ATRNL1: variants seen among roughly 807,000 people sequenced by gnomAD.
ATRNL1 encodes attractin-like protein 1.
A neutral mutation model predicts 182.7 loss-of-function variants in ATRNL1; 95 were observed. The observed-to-expected ratio is 0.52, with a 90% CI of 0.44 to 0.62. The LOEUF (loss-of-function observed/expected upper bound fraction) is 0.62, where lower values mean the gene tolerates loss of function less well. Among genes scored for constraint, ATRNL1 ranks in the 20% least tolerant of loss-of-function variants. The pLI is 0.00. For synonymous variants in ATRNL1, 576 were observed against 568.3 expected, an observed-to-expected ratio of 1.01 and a Z score of -0.19; for missense variants, 1,471 against 1,679.5, an observed-to-expected ratio of 0.88 and a Z score of 2.17.
At chr10:115,772,660 C>A (rs1324480697) in intron 27 of ATRNL1, among the ~76,000 whole-genome samples, 1 of 143,120 alleles carries the variant, frequency 7.0e-6, no homozygotes, top group East Asian at 2.2e-4. Flanking sequence ...TTTCCCTGGA[C>A]AATTTAAGTA....
intron 28 of ATRNL1, among the ~76,000 whole-genome samples, chr10:115,918,631 G>C (rs1011342959): frequency 6.6e-6 from 1 of 152,076 alleles, no homozygotes; most frequent in Non-Finnish European, 1.5e-5. Flanking sequence ...TGGCAAAAGG[G>C]GATAAAACAC....
intron 25 of ATRNL1, among the ~76,000 whole-genome samples, chr10:115,542,057 G>T (rs1009355292): frequency 6.6e-6 from 1 of 152,220 alleles, no homozygotes; most frequent in African/African-American, 2.4e-5. Context: ...ATTGTCCTTT[G>T]TCACTTTTTG....
At chr10:115,738,892 C>G (rs1948059532) in intron 27 of ATRNL1, among the ~76,000 whole-genome samples, 1 of 152,022 alleles carries the variant, frequency 6.6e-6, no homozygotes, top group African/African-American at 2.4e-5. Flanking sequence ...CCTAGGTTAA[C>G]TGTCCTAATA....
At chr10:115,495,349 T>A (rs1347185511) in intron 24 of ATRNL1, among the ~76,000 whole-genome samples, 1 of 152,178 alleles carries the variant, frequency 6.6e-6, no homozygotes, top group Non-Finnish European at 1.5e-5. Flanking sequence ...TTACTTCTTA[T>A]CTTCTGCTAG....
chr10:115,908,002 T>C (rs1248794275), intron 28 of ATRNL1, among the ~76,000 whole-genome samples: 1 of 152,234 alleles, frequency 6.6e-6, no homozygotes, highest in Non-Finnish European at 1.5e-5. Flanking sequence ...CTATTTTTCC[T>C]ATCCATTACC....
At chr10:115,297,749 C>A (rs1554923167) in intron 15 of ATRNL1, among the ~76,000 whole-genome samples, 1 of 151,448 alleles carries the variant, frequency 6.6e-6, no homozygotes, top group Non-Finnish European at 1.5e-5. Context: ...GATTCAAATT[C>A]CCTGATATTT....
intron 27 of ATRNL1, among the ~76,000 whole-genome samples, chr10:115,744,462 T>C (rs1479544243): frequency 2.0e-5 from 3 of 152,138 alleles, no homozygotes; most frequent in African/African-American, 7.2e-5. Flanking sequence ...TCATTCTCTT[T>C]CAGTCTAGTT....
At chr10:115,789,416 C>G (rs781808784) in intron 27 of ATRNL1, among the ~76,000 whole-genome samples, 1 of 152,164 alleles carries the variant, frequency 6.6e-6, no homozygotes, top group Non-Finnish European at 1.5e-5. Flanking sequence ...TCTCCTGACA[C>G]ATTTCAAAAT....
Position 115,132,421 on chromosome 10 carries a change from T to C in ATRNL1, c.829+2886T>C, listed in dbSNP as rs1412975309. ...TGCATGTGTCTTTATAGCAGCATGA[T>C]TTATAATCCTTTGGGTATATACCCA... On this transcript the variant is annotated intron_variant, in intron 5 of 28. Transcript: ENST00000355044. Among the ~76,000 whole-genome samples the C allele has an allele frequency of 9.4e-4, 143 of 152,278 alleles. 2 individuals are homozygous for C. The highest frequency in any genetic ancestry group is 2.6e-3 in the African/African-American group (108 of 41,562).
chr10:115,213,039 T>C (rs1435335308), intron 8 of ATRNL1, among the ~76,000 whole-genome samples: 1 of 152,152 alleles, frequency 6.6e-6, no homozygotes, highest in African/African-American at 2.4e-5. Flanking sequence ...GGAGTATTTT[T>C]ATCATGGCTA....
intron 26 of ATRNL1, among the ~76,000 whole-genome samples, chr10:115,600,008 C>T (rs1856503324): frequency 6.6e-6 from 1 of 152,052 alleles, no homozygotes; most frequent in Admixed American, 6.5e-5. Flanking sequence ...CCCCAGGCAA[C>T]CATGCGTGTG....
At chr10:115,475,204 T>G (rs1554972862) in intron 24 of ATRNL1, among the ~76,000 whole-genome samples, 1 of 151,502 alleles carries the variant, frequency 6.6e-6, no homozygotes, top group Non-Finnish European at 1.5e-5. Context: ...GTTTTTAATG[T>G]TTTTTTCATT....
At chr10:115,461,716 AAAT>A (rs1847804853) in intron 21 of ATRNL1, among the ~76,000 whole-genome samples, 1 of 152,028 alleles carries the variant, frequency 6.6e-6, no homozygotes, top group Non-Finnish European at 1.5e-5. Context: ...ATAGCATCAG[AAAT>A]AATAAATAAA....
chr10:115,102,428 A>G (rs1843811222), intron 1 of ATRNL1, among the ~76,000 whole-genome samples: 1 of 150,462 alleles, frequency 6.6e-6, no homozygotes, highest in Non-Finnish European at 1.5e-5. Context: ...TAATGTATGT[A>G]TATGTGTATA....
chr10:115,848,193 C>T (rs1380587161), intron 28 of ATRNL1, among the ~76,000 whole-genome samples: 3 of 152,024 alleles, frequency 2.0e-5, no homozygotes, highest in South Asian at 2.1e-4. Context: ...AGTGTTTCTC[C>T]GAAAAACACA....
At chr10:115,119,707 T>G (rs1268352549) in intron 1 of ATRNL1, among the ~76,000 whole-genome samples, 1 of 152,104 alleles carries the variant, frequency 6.6e-6, no homozygotes, top group Non-Finnish European at 1.5e-5. Context: ...ATAGCAGAAC[T>G]CTTTCAAGTT....
At chr10:115,679,394 G>C (rs1945975057) in intron 26 of ATRNL1, among the ~76,000 whole-genome samples, 1 of 151,728 alleles carries the variant, frequency 6.6e-6, no homozygotes, top group African/African-American at 2.4e-5. Flanking sequence ...CTTCTTATCT[G>C]TTTGATTACA....
chr10:115,728,002 G>C (rs113259350), intron 27 of ATRNL1, among the ~76,000 whole-genome samples: 3 of 151,056 alleles, frequency 2.0e-5, no homozygotes, highest in African/African-American at 4.9e-5. Flanking sequence ...TCGGCCGGGC[G>C]CGGTGGCTCA....
intron 28 of ATRNL1, among the ~76,000 whole-genome samples, chr10:115,925,124 T>A (rs73365756): frequency 0.082 from 12,536 of 152,192 alleles, 1,489 homozygotes; most frequent in African/African-American, 0.26. Context: ...CTGAAGTTGC[T>A]TATCAGTTTA....
Sources: allele counts gnomAD v4.1 joint callset (sites outside exome capture counted in the v4.1 genomes callset), GRCh38; gene constraint gnomAD v4.1.1; transcripts MANE v1.5; gene names NCBI Gene and HGNC (gene_info 2026-07-23, HGNC 2026-07-21).